The following FGD6 variants were observed in gnomAD, a reference collection of about 807,000 sequenced individuals.
FGD6 encodes the protein FYVE, RhoGEF and PH domain-containing protein 6.
FGD6 carries 90 observed loss-of-function variants against 149.4 expected under a neutral mutation model. The ratio of observed to expected loss-of-function variants is 0.60; its 90% CI spans 0.51 to 0.72. FGD6 has a LOEUF of 0.72. Among genes scored for constraint, FGD6 ranks in the 30% least tolerant of loss-of-function variants. FGD6 has a pLI of 0.00. For synonymous variants in FGD6, 527 were observed against 584.0 expected (o/e 0.90, Z 1.41); for missense variants, 1,437 against 1,684.8 (o/e 0.85, Z 2.57).
intron 11 of FGD6, among the ~76,000 whole-genome samples, chr12:95,108,121 T>TC (rs1878690779): frequency 6.6e-6 from 1 of 152,060 alleles, no homozygotes; most frequent in Admixed American, 6.6e-5. Flanking sequence ...CTCTGTGGGG[T>TC]CCCTTGCCGC....
chr12:95,110,944 C>T (rs1413678952), intron 9 of FGD6, among the ~76,000 whole-genome samples: 2 of 151,982 alleles, frequency 1.3e-5, no homozygotes, highest in Non-Finnish European at 2.9e-5. Flanking sequence ...TTATTCTTGC[C>T]TCACCTTCCC....
At chr12:95,090,215 CTG>C (rs1488891571) in intron 17 of FGD6, among the ~76,000 whole-genome samples, 3 of 151,890 alleles carry the variant, frequency 2.0e-5, no homozygotes, top group Non-Finnish European at 4.4e-5. Flanking sequence ...AGGAGGAACA[CTG>C]TGCGCTAAGA....
chr12:95,108,345 T>C lies in FGD6; in HGVS notation c.3264+3A>G, dbSNP rs753095789. ...TTTGCGAAAAGCAATGTAAAATGCT[T>C]ACCCGACCAGGCTGCACAATTTCAT... On this transcript the variant is annotated splice_donor_region_variant and intron_variant, in intron 11 of 20. Transcript: ENST00000343958. The C allele has an allele frequency of 1.9e-6, 3 of 1,613,376 alleles. No homozygotes were observed. The highest frequency in any genetic ancestry group is 2.7e-5 in the African/African-American group (2 of 74,920).
intron 1 of FGD6, among the ~76,000 whole-genome samples, chr12:95,213,443 T>C (rs1364015774): frequency 6.6e-6 from 1 of 152,122 alleles, no homozygotes; most frequent in Non-Finnish European, 1.5e-5. Flanking sequence ...TTTCGTAAAA[T>C]GAAGAGTTCT....
chr12:95,135,657 C>A (rs1237421241), intron 7 of FGD6, among the ~76,000 whole-genome samples: 1 of 152,166 alleles, frequency 6.6e-6, no homozygotes, highest in African/African-American at 2.4e-5. Context: ...AAAAGAGTCA[C>A]GCTTCTAACA....
intron 14 of FGD6, chr12:95,100,981 G>T: frequency 2.7e-6 from 1 of 369,410 alleles, no homozygotes. Context: ...TCACGGGGTA[G>T]TTATCTCTCT....
Position 95,107,114 on chromosome 12 carries a change from T to G in FGD6, c.3334-77A>C, listed in dbSNP as rs1878654522. On this transcript the variant is annotated intron_variant, in intron 12 of 20. Transcript: ENST00000343958. ...CAAAGATTTTGACAAGATACAAGAT[T>G]AAAGGATAAATAATACCTCTTTGCT... 6.6e-6 allele frequency: 7 copies of G among 1,053,288 alleles called. No individual in the cohort carries two copies. In the South Asian group the frequency reaches 9.7e-5, roughly 15 times the overall value. The allele number at this position is 1,053,288 out of a possible 1,614,324, so 65.2% of individuals were successfully genotyped here.
Position 95,210,629 on chromosome 12 carries a change from T to C in FGD6, c.655A>G (p.Arg219Gly). The C allele has an allele frequency of 6.8e-6, 11 of 1,614,220 alleles. No individual in the cohort carries two copies. The highest frequency in any genetic ancestry group is 9.3e-6 in the Non-Finnish European group (11 of 1,180,046). The part of the protein sequence containing the change: ...NGGCNSNGQF[R>G]IEFADLSPSP... The stretch of plus-strand genomic sequence containing the variant: ...GGTGACAAATCCGCAAATTCAATTC[T>C]GAATTGTCCATTTGAATTACAGCCA... The change falls in exon 2 of 21, where the codon AGA (arginine) becomes GGA (glycine). Residue 219 changes from arginine to glycine, a missense_variant. By Grantham distance (125) the Arg-to-Gly change is moderately radical. Transcript: ENST00000343958.
At chr12:95,123,465 A>G (rs1483696548) in intron 8 of FGD6, among the ~76,000 whole-genome samples, 1 of 151,922 alleles carries the variant, frequency 6.6e-6, no homozygotes, top group Non-Finnish European at 1.5e-5. Flanking sequence ...CACAGATCTC[A>G]TGATAGATGG....
intron 15 of FGD6, among the ~76,000 whole-genome samples, chr12:95,093,815 C>A (rs1291973468): frequency 2.6e-5 from 4 of 151,032 alleles, no homozygotes; most frequent in African/African-American, 4.9e-5. Context: ...CACCACTGCA[C>A]TCCAGCCTGG....
chr12:95,200,131 A>G (rs1881833559), intron 2 of FGD6, among the ~76,000 whole-genome samples: 1 of 152,224 alleles, frequency 6.6e-6, no homozygotes, highest in Non-Finnish European at 1.5e-5. Flanking sequence ...AATGTTTCAT[A>G]CGATACTAAC....
At chr12:95,150,542 T>C (rs1182512899) in intron 5 of FGD6, among the ~76,000 whole-genome samples, 1 of 152,170 alleles carries the variant, frequency 6.6e-6, no homozygotes, top group East Asian at 1.9e-4. Context: ...ACTTATTTAT[T>C]AAACATATTA....
chr12:95,095,602 G>T (rs958371710), intron 14 of FGD6, among the ~76,000 whole-genome samples: 15 of 151,810 alleles, frequency 9.9e-5, no homozygotes, highest in Non-Finnish European at 1.9e-4. Flanking sequence ...GAGAAAGAAA[G>T]ACTTTAATAA....
Position 95,197,657 on chromosome 12 carries a change from A to C in FGD6, c.2441+11186T>G, listed in dbSNP as rs139320658. The stretch of plus-strand genomic sequence containing the variant: ...AAAATATTTACTTTGGGGACCCATA[A>C]ATAACATTATTAAATAAAAGTGCTT... On this transcript the variant is annotated intron_variant, in intron 2 of 20. Transcript: ENST00000343958. Among the ~76,000 whole-genome samples the C allele has an allele frequency of 6.2e-3, 939 of 152,274 alleles. 15 individuals are homozygous for C. Among genetic ancestry groups the C allele is most frequent in the African/African-American group, 0.021 (890 of 41,556 alleles).
At chr12:95,184,676 G>C (rs949432993) in intron 2 of FGD6, among the ~76,000 whole-genome samples, 1 of 151,766 alleles carries the variant, frequency 6.6e-6, no homozygotes, top group African/African-American at 2.4e-5. Flanking sequence ...CCGCCTCCCA[G>C]GTTCAAGCGA....
intron 8 of FGD6, chr12:95,125,711 T>C (rs1209411783): frequency 1.8e-6 from 1 of 545,288 alleles, no homozygotes; most frequent in Non-Finnish European, 3.3e-6. Context: ...AAATACCTTT[T>C]TCACAACTAC....
chr12:95,200,928 C>T (rs2056656307), intron 2 of FGD6, among the ~76,000 whole-genome samples: 1 of 151,868 alleles, frequency 6.6e-6, no homozygotes, highest in Non-Finnish European at 1.5e-5. Context: ...GCTACCCACA[C>T]CCAAATGTGC....
intron 6 of FGD6, 92 bp downstream of exon 6, chr12:95,141,296 T>G: frequency 7.9e-7 from 1 of 1,259,548 alleles, no homozygotes; most frequent in Non-Finnish European, 1.1e-6. Flanking sequence ...CAACTCAATG[T>G]AATGAAAATA....
chr12:95,097,084 G>A (rs1878255879), intron 14 of FGD6, among the ~76,000 whole-genome samples: 1 of 152,132 alleles, frequency 6.6e-6, no homozygotes, highest in Admixed American at 6.5e-5. Context: ...GCTCTCTCCT[G>A]TGTGGGGTTC....
Sources: gnomAD v4.1 joint callset for allele counts (sites outside exome capture counted in the v4.1 genomes callset) on GRCh38, gnomAD v4.1.1 for gene constraint, MANE v1.5 for transcripts, NCBI Gene and HGNC (gene_info 2026-07-23, HGNC 2026-07-21) for gene names.